Variants in CAST observed in about 807,000 individuals in gnomAD.
CAST encodes the protein MIR583 host.
In CAST, 76 loss-of-function variants were observed where a neutral mutation model predicts 119.6. The ratio of observed to expected loss-of-function variants is 0.64; its 90% CI spans 0.53 to 0.77. The LOEUF is 0.77. Ranked by LOEUF, CAST falls within the 30% of genes least tolerant of loss-of-function variation. The pLI, the probability that CAST is intolerant of heterozygous loss-of-function variation, is 0.00. For missense variants in CAST, 953 were observed against 946.5 expected (o/e 1.01, Z -0.09); for synonymous variants, 319 against 331.6 (o/e 0.96, Z 0.41).
At chr5:96,143,336 G>T in the CAST span, among the ~76,000 whole-genome samples, 9 of 152,234 alleles carry the variant, frequency 5.9e-5, no homozygotes, top group East Asian at 1.7e-3. Flanking sequence ...ACTGAGGTGG[G>T]GATAGTGTGC....
At chr5:96,545,389 T>C (rs1745991350) in intron 1 of CAST, 1 of 152,170 alleles carries the variant, frequency 6.6e-6, no homozygotes. Flanking sequence ...GAAGCAATGA[T>C]ATGGGGAATG....
Position 96,643,656 on chromosome 5 carries a change from C to T in CAST, c.61-31883C>T, listed in dbSNP as rs145034499. Among the ~76,000 whole-genome samples the T allele has an allele frequency of 2.3e-3, 349 of 152,168 alleles. 2 individuals carry two copies. Among genetic ancestry groups the T allele is most frequent in the African/African-American group, 8.1e-3 (336 of 41,522 alleles). ...TTGGGAGGCCGAGGTGGGTGGATCA[C>T]GAGGTCAGGAGATGGAGACCAACCT... On this transcript the variant is annotated intron_variant, in intron 1 of 11. Coordinates refer to the CAST transcript ENST00000505143.
intron 7 of CAST, 43 bp from the exon 8 acceptor site, chr5:96,729,569 A>G (rs1050992273): frequency 1.2e-6 from 1 of 804,198 alleles, no homozygotes; most frequent in Non-Finnish European, 2.2e-6. Flanking sequence ...TCTTGTTAAC[A>G]ATGTCTTTAT....
chr5:96,452,688 C>G, the CAST span, among the ~76,000 whole-genome samples: 1 of 141,668 alleles, frequency 7.1e-6, no homozygotes, highest in African/African-American at 2.7e-5. Flanking sequence ...CGGTGGCTCA[C>G]GCCTGTAATC....
At chr5:96,166,535 T>A in the CAST span, among the ~76,000 whole-genome samples, 2 of 152,190 alleles carry the variant, frequency 1.3e-5, no homozygotes, top group Non-Finnish European at 2.9e-5. Context: ...AGCAAATAAC[T>A]GATTTAAGTG....
intron 1 of CAST, among the ~76,000 whole-genome samples, chr5:96,568,913 G>A (rs75706594): frequency 9.6e-4 from 146 of 152,248 alleles, no homozygotes; most frequent in African/African-American, 3.3e-3. Context: ...TGAGAAGTCA[G>A]CAGTGAAGCA....
the CAST span, among the ~76,000 whole-genome samples, chr5:96,305,443 A>G: frequency 1.6e-4 from 24 of 152,232 alleles, no homozygotes; most frequent in African/African-American, 5.3e-4. Flanking sequence ...AATACGCTTT[A>G]TTGCTTTCTC....
the CAST span, among the ~76,000 whole-genome samples, chr5:96,424,999 G>GAAAGAAAGA: frequency 1.1e-5 from 1 of 93,178 alleles, no homozygotes; most frequent in Non-Finnish European, 2.1e-5. Context: ...GAAAGAAAGA[G>GAAAGAAAGA]AAAGAAAGAA....
the CAST span, among the ~76,000 whole-genome samples, chr5:96,228,392 A>C: frequency 2.0e-5 from 3 of 152,188 alleles, no homozygotes; most frequent in African/African-American, 7.2e-5. Context: ...ACTGTAGCAT[A>C]GTCTCAGTTG....
chr5:96,289,839 A>G, the CAST span, among the ~76,000 whole-genome samples: 1 of 152,300 alleles, frequency 6.6e-6, no homozygotes, highest in Non-Finnish European at 1.5e-5. Flanking sequence ...AATGTGCCTC[A>G]GTAGCGTTTG....
the CAST span, among the ~76,000 whole-genome samples, chr5:96,225,887 G>A: frequency 1.3e-5 from 2 of 152,004 alleles, no homozygotes; most frequent in Admixed American, 6.6e-5. Flanking sequence ...CTTGCCCCCC[G>A]CCTCACCATT....
intron 8 of CAST, among the ~76,000 whole-genome samples, chr5:96,730,097 T>C (rs1368247573): frequency 6.6e-6 from 1 of 152,208 alleles, no homozygotes; most frequent in Admixed American, 6.5e-5. Context: ...CCCTGAATTA[T>C]CTGGTTCTTT....
At chr5:96,219,919 T>C in the CAST span, among the ~76,000 whole-genome samples, 1 of 152,366 alleles carries the variant, frequency 6.6e-6, no homozygotes, top group African/African-American at 2.4e-5. Context: ...GCTAAAGGTC[T>C]GTCAGAGCCT....
At chr5:95,989,595 A>G in the CAST span, among the ~76,000 whole-genome samples, 1 of 152,226 alleles carries the variant, frequency 6.6e-6, no homozygotes, top group African/African-American at 2.4e-5. Flanking sequence ...AACAGACCAG[A>G]TCACTTTTGA....
At chr5:96,558,928 C>T (rs917916129) in intron 1 of CAST, among the ~76,000 whole-genome samples, 2 of 152,010 alleles carry the variant, frequency 1.3e-5, no homozygotes, top group Non-Finnish European at 2.9e-5. Flanking sequence ...AGACCAATAT[C>T]CCTGATGAAC....
chr5:96,535,087 G>C (rs1745781996), intron 1 of CAST, among the ~76,000 whole-genome samples: 2 of 152,096 alleles, frequency 1.3e-5, no homozygotes, highest in African/African-American at 4.8e-5. Flanking sequence ...TACTCTTACA[G>C]AACAAATGGC....
chr5:96,074,373 G>T, the CAST span, among the ~76,000 whole-genome samples: 2 of 152,194 alleles, frequency 1.3e-5, no homozygotes, highest in Non-Finnish European at 2.9e-5. Context: ...ACGAGGGTTG[G>T]ACCTTCATAA....
the CAST span, among the ~76,000 whole-genome samples, chr5:96,237,362 G>T: frequency 6.6e-6 from 1 of 152,130 alleles, no homozygotes; most frequent in South Asian, 2.1e-4. Context: ...TCAAATGTGA[G>T]TTTAGCCTTT....
the CAST span, among the ~76,000 whole-genome samples, chr5:96,152,092 C>T: frequency 6.6e-6 from 1 of 152,122 alleles, no homozygotes; most frequent in Non-Finnish European, 1.5e-5. Flanking sequence ...CGTTCTAGGG[C>T]TCTGTTTATG....
Sources: gnomAD v4.1 joint callset for allele counts (sites outside exome capture counted in the v4.1 genomes callset) on GRCh38, gnomAD v4.1.1 for gene constraint, MANE v1.5 for transcripts, NCBI Gene and HGNC (gene_info 2026-07-23, HGNC 2026-07-21) for gene names.